The following TACC2 variants were observed in gnomAD, a reference collection of about 807,000 sequenced individuals.
TACC2 encodes the protein transforming acidic coiled-coil containing protein 2.
Under a neutral mutation model 227.3 loss-of-function variants are expected in TACC2, and 137 were observed. The observed-to-expected ratio is 0.60, with a 90% CI of 0.52 to 0.69. The LOEUF (loss-of-function observed/expected upper bound fraction) is 0.69, where lower values mean the gene tolerates loss of function less well. TACC2 is among the 30% of genes least tolerant of loss of function. The probability of loss-of-function intolerance (pLI) is 0.00; values close to 1 mark genes in which losing one functional copy is unlikely to be tolerated. For missense variants in TACC2, 3,470 were observed against 3,694.4 expected (o/e 0.94, Z 1.57); for synonymous variants, 1,523 against 1,487.5 (o/e 1.02, Z -0.55).
chr10:122,189,258 C>T (rs530007741), intron 7 of TACC2, among the ~76,000 whole-genome samples: 1 of 152,270 alleles, frequency 6.6e-6, no homozygotes, highest in African/African-American at 2.4e-5. Context: ...TAGAATCTAG[C>T]ATGCGCAGTT....
intron 2 of TACC2, among the ~76,000 whole-genome samples, chr10:122,035,795 C>T (rs932474976): frequency 6.6e-5 from 10 of 151,930 alleles, no homozygotes; most frequent in Non-Finnish European, 1.2e-4. Context: ...TTCTTTCCTT[C>T]TCTCCTTCCT....
intron 11 of TACC2, among the ~76,000 whole-genome samples, chr10:122,222,338 C>T (rs2095538300): frequency 6.6e-6 from 1 of 152,132 alleles, no homozygotes; most frequent in South Asian, 2.1e-4. Flanking sequence ...TTTTTTACAT[C>T]CTCTCCAGGT....
chr10:122,115,856 G>A (rs2084611451), intron 5 of TACC2, among the ~76,000 whole-genome samples: 1 of 152,036 alleles, frequency 6.6e-6, no homozygotes, highest in Non-Finnish European at 1.5e-5. Flanking sequence ...TGCAACTTTT[G>A]CACAGATGAT....
At chr10:122,048,558 A>G (rs2075321807) in intron 2 of TACC2, among the ~76,000 whole-genome samples, 1 of 149,138 alleles carries the variant, frequency 6.7e-6, no homozygotes, top group Non-Finnish European at 1.5e-5. Flanking sequence ...GGGTTTCTCC[A>G]TGTTGCCCAG....
At chr10:122,248,992 C>T (rs2096193544) in intron 20 of TACC2, 58 bp from the exon 21 acceptor site, 1 of 1,540,832 alleles carries the variant, frequency 6.5e-7, no homozygotes, top group African/African-American at 1.4e-5. Flanking sequence ...GGGTTCCCAC[C>T]AGTGCTGGGC....
rs1254138834 is a variant in TACC2 at position 122,210,655 on chromosome 10, C to T, written c.6230C>T (p.Pro2077Leu). The T allele has an allele frequency of 1.2e-6, 2 of 1,613,910 alleles. No homozygotes were observed. Among genetic ancestry groups the T allele is most frequent in the African/African-American group, 1.3e-5 (1 of 74,888 alleles). The change falls in exon 9 of 23, where the codon CCC becomes CTC. Residue 2077 changes from proline (P) to leucine (L), a missense_variant. Coordinates refer to ENST00000369005, the MANE Select transcript of TACC2 (RefSeq NM_206862.4). The surrounding 1 kb of genome is among the most constrained non-coding windows in gnomAD (Gnocchi z 4.6). ...CGGAGGAAGTCCACGGATTCCGTCCCCATCTCTAAGTCTACACTGTCCCGG... is the reference window on the plus strand; with the variant it reads ...CGGAGGAAGTCCACGGATTCCGTCCTCATCTCTAAGTCTACACTGTCCCGG... ...NTRRKSTDSV[P>L]ISKSTLSRSL...
intron 5 of TACC2, among the ~76,000 whole-genome samples, chr10:122,103,391 G>C (rs1042434698): frequency 6.6e-5 from 10 of 152,216 alleles, no homozygotes; most frequent in African/African-American, 2.4e-4. Context: ...GACAACAGCA[G>C]TACCTGCTGC....
At chr10:122,044,754 T>C (rs1163585725) in intron 2 of TACC2, among the ~76,000 whole-genome samples, 1 of 151,892 alleles carries the variant, frequency 6.6e-6, no homozygotes, top group African/African-American at 2.4e-5. Context: ...GGAAAATTGC[T>C]GTAACTGTTT....
chr10:122,097,793 C>A (rs1402302600), intron 5 of TACC2, among the ~76,000 whole-genome samples: 1 of 152,150 alleles, frequency 6.6e-6, no homozygotes, highest in African/African-American at 2.4e-5. Flanking sequence ...TGAGACACGG[C>A]ACACCCGACA....
intron 5 of TACC2, among the ~76,000 whole-genome samples, chr10:122,121,490 C>A (rs758237823): frequency 4.6e-5 from 7 of 152,296 alleles, no homozygotes; most frequent in Non-Finnish European, 7.3e-5. Context: ...CCTCCTATCA[C>A]CTGCCCTATC....
At chr10:122,090,373 C>T (rs1055027106) in intron 5 of TACC2, among the ~76,000 whole-genome samples, 11 of 151,468 alleles carry the variant, frequency 7.3e-5, no homozygotes, top group Admixed American at 2.6e-4. Context: ...GGTGAAACCC[C>T]GTCTGTACTA....
intron 16 of TACC2, 87 bp from the exon 17 acceptor site, chr10:122,237,308 G>T: frequency 1.6e-6 from 2 of 1,267,522 alleles, no homozygotes; most frequent in Non-Finnish European, 2.1e-6. Context: ...CCATACAATT[G>T]GCCCATTCAT....
chr10:122,054,017 C>A (rs1171761472), intron 3 of TACC2, among the ~76,000 whole-genome samples: 2 of 152,202 alleles, frequency 1.3e-5, no homozygotes, highest in Non-Finnish European at 2.9e-5. Flanking sequence ...GCTCAGGCAT[C>A]ATCTCCACTC....
intron 5 of TACC2, among the ~76,000 whole-genome samples, chr10:122,095,074 A>G (rs2081235329): frequency 6.6e-6 from 1 of 152,214 alleles, no homozygotes; most frequent in Admixed American, 6.5e-5. Context: ...GAATGGGGAC[A>G]GGACTAGGGG....
intron 19 of TACC2, among the ~76,000 whole-genome samples, chr10:122,244,563 G>T (rs755130723): frequency 6.6e-6 from 1 of 152,174 alleles, no homozygotes; most frequent in African/African-American, 2.4e-5. Flanking sequence ...CTCTTGGCAG[G>T]ACGTGCCTTC....
In TACC2 at chr10:122,050,479, CG is replaced by C; in HGVS notation, c.78del (p.Asn27ThrfsTer5). On this transcript the variant is annotated frameshift_variant, in exon 3 of 23. Transcript: ENST00000369005. LOFTEE classifies it high-confidence loss of function. This position sits in a 1 kb window ranked among gnomAD's most constrained non-coding sequence, Gnocchi z 4.6. The stretch of plus-strand genomic sequence containing the variant: ...AGACTCCAAGGTCCGCGCAGCCACC[CG>C]GGAACAGTCAGAATATAAAAAGGAA... ...AQTPRSAQPP[G>X]NSQNIKRKQQ... The C allele has an allele frequency of 1.2e-6, 2 of 1,614,092 alleles. No homozygotes were observed. Among genetic ancestry groups the C allele is most frequent in the Non-Finnish European group, 1.7e-6 (2 of 1,180,022 alleles).
intron 10 of TACC2, 110 bp from the exon 11 acceptor site, chr10:122,216,517 G>A (rs2095410411): frequency 2.9e-6 from 3 of 1,033,372 alleles, no homozygotes; most frequent in Non-Finnish European, 4.2e-6. Flanking sequence ...AGCATGCAGA[G>A]GATTGTGACC....
intron 1 of TACC2, among the ~76,000 whole-genome samples, chr10:122,005,438 G>A (rs1954964432): frequency 6.8e-6 from 1 of 147,916 alleles, no homozygotes; most frequent in Non-Finnish European, 1.5e-5. Flanking sequence ...TGGATGGAGT[G>A]CAGTGGCATG....
intron 1 of TACC2, among the ~76,000 whole-genome samples, chr10:121,990,996 G>C (rs1953007200): frequency 6.6e-6 from 1 of 152,092 alleles, no homozygotes; most frequent in African/African-American, 2.4e-5. Flanking sequence ...ATATTGGCCA[G>C]GCTGGTTTCA....
Sources: allele counts gnomAD v4.1 joint callset (sites outside exome capture counted in the v4.1 genomes callset), GRCh38; gene constraint gnomAD v4.1.1; non-coding constraint Gnocchi (gnomAD v3.1); transcripts MANE v1.5; gene names NCBI Gene and HGNC (gene_info 2026-07-23, HGNC 2026-07-21).